Variants in KCNMA1 observed in about 807,000 individuals in gnomAD.
The protein encoded by KCNMA1 is Calcium-activated potassium channel subunit alpha-1.
In KCNMA1, 29 loss-of-function variants were observed where a neutral mutation model predicts 140.0. That is an observed-to-expected ratio of 0.21 (90% CI 0.15 to 0.28). KCNMA1 has a LOEUF of 0.28. Among genes scored for constraint, KCNMA1 ranks in the 10% least tolerant of loss-of-function variants. The probability of loss-of-function intolerance (pLI) is 1.00; values close to 1 mark genes in which losing one functional copy is unlikely to be tolerated. For synonymous variants in KCNMA1, 612 were observed against 611.9 expected, an observed-to-expected ratio of 1.00 and a Z score of 0.00; for missense variants, 880 against 1,602.2, an observed-to-expected ratio of 0.55 and a Z score of 7.70.
At chr10:77,052,630 A>G (rs1409025615) in intron 14 of KCNMA1, among the ~76,000 whole-genome samples, 1 of 151,716 alleles carries the variant, frequency 6.6e-6, no homozygotes, top group Non-Finnish European at 1.5e-5. Flanking sequence ...CAAAAAAAAA[A>G]AAAGGGTACT....
At chr10:77,559,098 G>A (rs1047604065) in intron 1 of KCNMA1, among the ~76,000 whole-genome samples, 13 of 152,158 alleles carry the variant, frequency 8.5e-5, no homozygotes, top group South Asian at 6.2e-4. Flanking sequence ...ATGTGGTTGT[G>A]TTCAGACATC....
chr10:77,270,587 T>C (rs1045888063), intron 2 of KCNMA1, among the ~76,000 whole-genome samples: 7 of 151,524 alleles, frequency 4.6e-5, no homozygotes, highest in Non-Finnish European at 1.0e-4. Context: ...GGTAGTGCAA[T>C]GTCAGCTCAC....
intron 19 of KCNMA1, among the ~76,000 whole-genome samples, chr10:76,988,395 G>C (rs1434315042): frequency 6.6e-6 from 1 of 152,108 alleles, no homozygotes; most frequent in Non-Finnish European, 1.5e-5. Context: ...AGACATGGTG[G>C]TGCACGCCTG....
intron 1 of KCNMA1, among the ~76,000 whole-genome samples, chr10:77,599,543 A>C (rs1355050335): frequency 6.6e-6 from 1 of 152,162 alleles, no homozygotes; most frequent in Non-Finnish European, 1.5e-5. Context: ...TTTAACCTGA[A>C]GGGATTGCAT....
intron 19 of KCNMA1, among the ~76,000 whole-genome samples, chr10:76,981,954 T>C (rs1159922053): frequency 2.0e-5 from 3 of 152,110 alleles, no homozygotes; most frequent in Non-Finnish European, 2.9e-5. Flanking sequence ...AAGCACAGCT[T>C]AGTGATCAGG....
chr10:77,075,364 G>T (rs112278920), intron 13 of KCNMA1, among the ~76,000 whole-genome samples: 13 of 152,344 alleles, frequency 8.5e-5, no homozygotes, highest in African/African-American at 3.1e-4. Context: ...CTGAGAACCT[G>T]AGAGGAATGA....
At chr10:77,277,004 A>G (rs919087711) in intron 2 of KCNMA1, among the ~76,000 whole-genome samples, 2 of 152,116 alleles carry the variant, frequency 1.3e-5, no homozygotes, top group South Asian at 2.1e-4. Flanking sequence ...TAAATGACAC[A>G]CAGCGGGGAT....
intron 19 of KCNMA1, among the ~76,000 whole-genome samples, chr10:76,980,939 C>G (rs1286897296): frequency 6.6e-6 from 1 of 152,160 alleles, no homozygotes; most frequent in Non-Finnish European, 1.5e-5. Context: ...CTTCAGTTTT[C>G]TCACCAATAA....
At chr10:77,617,267 G>T (rs1443713128) in intron 1 of KCNMA1, among the ~76,000 whole-genome samples, 1 of 152,184 alleles carries the variant, frequency 6.6e-6, no homozygotes, top group East Asian at 1.9e-4. Context: ...TGTCATCCAT[G>T]AGCCTTCCAC....
intron 1 of KCNMA1, among the ~76,000 whole-genome samples, chr10:77,475,958 TCAA>T (rs1269689311): frequency 6.6e-6 from 1 of 152,174 alleles, no homozygotes; most frequent in African/African-American, 2.4e-5. Flanking sequence ...CAATTTGACT[TCAA>T]AATCTTCCTC....
chr10:76,947,678 C>T (rs1369249583), intron 22 of KCNMA1, among the ~76,000 whole-genome samples: 1 of 152,206 alleles, frequency 6.6e-6, no homozygotes. Flanking sequence ...TTTCAACTGC[C>T]TGTGCTCACT....
chr10:77,403,812 T>C, intron 2 of KCNMA1, 50 bp downstream of exon 2: 1 of 1,573,902 alleles, frequency 6.4e-7, no homozygotes, highest in African/African-American at 1.3e-5. Flanking sequence ...CAAAGCCACC[T>C]TGGCCCAGAC....
chr10:77,209,330 G>C (rs1269244913), intron 3 of KCNMA1, among the ~76,000 whole-genome samples: 1 of 152,146 alleles, frequency 6.6e-6, no homozygotes, highest in Non-Finnish European at 1.5e-5. Flanking sequence ...TCAGATCAAA[G>C]CTACCCAATA....
intron 22 of KCNMA1, among the ~76,000 whole-genome samples, chr10:76,948,201 T>G (rs2064933296): frequency 6.6e-6 from 1 of 152,094 alleles, no homozygotes; most frequent in African/African-American, 2.4e-5. Flanking sequence ...AGAAGAGGTC[T>G]CACCATGTTG....
intron 5 of KCNMA1, among the ~76,000 whole-genome samples, chr10:77,173,522 AT>A (rs2098726849): frequency 1.3e-5 from 2 of 152,260 alleles, no homozygotes; most frequent in East Asian, 3.9e-4. Flanking sequence ...ATATACACAT[AT>A]ATGTAATATG....
intron 1 of KCNMA1, among the ~76,000 whole-genome samples, chr10:77,459,589 G>GAGCC (rs2097823010): frequency 6.6e-6 from 1 of 152,222 alleles, no homozygotes; most frequent in African/African-American, 2.4e-5. Flanking sequence ...AGGCAGGCTG[G>GAGCC]TCCCCGAATA....
intron 2 of KCNMA1, among the ~76,000 whole-genome samples, chr10:77,375,515 C>T (rs1236160254): frequency 2.0e-5 from 3 of 152,186 alleles, no homozygotes; most frequent in Admixed American, 1.3e-4. Context: ...CCACAAGAGT[C>T]CTCCATAATA....
At chr10:77,135,044 C>T (rs568058646) in intron 5 of KCNMA1, among the ~76,000 whole-genome samples, 19 of 69,222 alleles carry the variant, frequency 2.7e-4, no homozygotes, top group Admixed American at 2.0e-3. Context: ...AAAGAATCAA[C>T]GGAGTGAAGA....
rs2058430321 is a variant in KCNMA1, at chr10:77,534,569, C to A, written c.378+102696G>T. Among the ~76,000 whole-genome samples the A allele has an allele frequency of 2.6e-5, 4 of 152,238 alleles. No individual in the cohort carries two copies. The South Asian group carries it at 8.3e-4, about 32-fold the overall frequency. ...AAGCATCTCATTTTTCCTGAAGGAA[C>A]CTAATATACTCAGGAAGATCAGGGA... is the stretch of plus-strand genomic sequence containing the variant. On this transcript the variant is annotated intron_variant, in intron 1 of 27. Transcript: ENST00000286628.
Sources: gnomAD v4.1 joint callset for allele counts (sites outside exome capture counted in the v4.1 genomes callset) on GRCh38, gnomAD v4.1.1 for gene constraint, MANE v1.5 for transcripts, NCBI Gene and HGNC (gene_info 2026-07-23, HGNC 2026-07-21) for gene names.